NAV2: variants seen among roughly 807,000 people sequenced by gnomAD.
NAV2 encodes the protein neuron navigator 2.
A neutral mutation model predicts 223.2 loss-of-function variants in NAV2; 54 were observed. The ratio of observed to expected loss-of-function variants is 0.24; its 90% CI spans 0.19 to 0.30. The LOEUF is 0.30. Ranked by LOEUF, NAV2 falls within the 10% of genes least tolerant of loss-of-function variation. The pLI, the probability that NAV2 is intolerant of heterozygous loss-of-function variation, is 1.00. For missense variants in NAV2, 2,806 were observed against 3,147.5 expected (o/e 0.89, Z 2.60); for synonymous variants, 1,279 against 1,239.3 (o/e 1.03, Z -0.67).
At chr11:20,085,670 A>G (rs893161030) in intron 26 of NAV2, among the ~76,000 whole-genome samples, 2 of 152,244 alleles carry the variant, frequency 1.3e-5, no homozygotes, top group Admixed American at 1.3e-4. Context: ...AACCCAGTGC[A>G]GATAGTCCTA....
At chr11:19,499,978 A>G (rs2042912591) in intron 1 of NAV2, among the ~76,000 whole-genome samples, 1 of 151,644 alleles carries the variant, frequency 6.6e-6, no homozygotes, top group Non-Finnish European at 1.5e-5. Context: ...ATATATATAT[A>G]CACACACACA....
At chr11:19,506,412 C>A (rs2043126021) in intron 1 of NAV2, 1 of 152,246 alleles carries the variant, frequency 6.6e-6, no homozygotes, top group Non-Finnish European at 1.5e-5. Context: ...GCATCAAGAG[C>A]CTTTGAGAAG....
chr11:20,010,233 T>G (rs1034948876), intron 11 of NAV2, among the ~76,000 whole-genome samples: 1 of 152,130 alleles, frequency 6.6e-6, no homozygotes, highest in Non-Finnish European at 1.5e-5. Flanking sequence ...TGAAGATGTC[T>G]TTTTTCTTGA....
intron 11 of NAV2, among the ~76,000 whole-genome samples, chr11:19,985,944 G>GT (rs2050759927): frequency 1.0e-5 from 1 of 97,118 alleles, no homozygotes; most frequent in Admixed American, 1.2e-4. Context: ...AATAATAACA[G>GT]TAAAAAAAAA....
intron 1 of NAV2, among the ~76,000 whole-genome samples, chr11:19,397,141 G>T (rs1279474198): frequency 6.6e-6 from 1 of 152,156 alleles, no homozygotes; most frequent in Non-Finnish European, 1.5e-5. Context: ...GGGCTATGGG[G>T]ACTATTCTTA....
chr11:19,750,155 T>G (rs1354945249), intron 1 of NAV2, among the ~76,000 whole-genome samples: 2 of 152,236 alleles, frequency 1.3e-5, no homozygotes, highest in Non-Finnish European at 2.9e-5. Flanking sequence ...TTAGAGGACA[T>G]TGATCATTTT....
intron 22 of NAV2, among the ~76,000 whole-genome samples, chr11:20,070,899 T>C (rs1451729512): frequency 1.3e-5 from 2 of 152,218 alleles, no homozygotes. Flanking sequence ...ATGTGTTTTC[T>C]TTTTAAGCTT....
chr11:20,075,893 C>T (rs1027243229), intron 22 of NAV2, among the ~76,000 whole-genome samples: 7 of 151,908 alleles, frequency 4.6e-5, no homozygotes, highest in Non-Finnish European at 1.5e-5. Flanking sequence ...CCCATATATC[C>T]TCTGCCCTTC....
At chr11:20,114,902 CTTTGG>C in intron 37 of NAV2, 107 bp downstream of exon 37, 12 of 1,140,558 alleles carry the variant, frequency 1.1e-5, no homozygotes, top group South Asian at 1.5e-5. Flanking sequence ...TCCAGCCTTG[CTTTGG>C]AAGGCTGGAC....
chr11:19,487,360 A>C (rs766748860), intron 1 of NAV2, among the ~76,000 whole-genome samples: 4 of 152,232 alleles, frequency 2.6e-5, no homozygotes, highest in Non-Finnish European at 5.9e-5. Context: ...AATAAGCAAC[A>C]TTTGACACGT....
At chr11:19,418,721 A>T (rs1009748219) in intron 1 of NAV2, among the ~76,000 whole-genome samples, 2 of 152,236 alleles carry the variant, frequency 1.3e-5, no homozygotes, top group South Asian at 4.1e-4. Flanking sequence ...CAGATGATCA[A>T]AATGGCTTGG....
intron 1 of NAV2, among the ~76,000 whole-genome samples, chr11:19,736,582 T>TA (rs1470689375): frequency 6.6e-6 from 1 of 152,214 alleles, no homozygotes; most frequent in African/African-American, 2.4e-5. Context: ...TGGAGGCCTT[T>TA]AAAAAACTGC....
chr11:19,793,843 T>C (rs2057718713), intron 1 of NAV2, among the ~76,000 whole-genome samples: 2 of 152,226 alleles, frequency 1.3e-5, no homozygotes, highest in Admixed American at 1.3e-4. Context: ...CCTCAGGGCC[T>C]TTGCCTTGGC....
intron 1 of NAV2, among the ~76,000 whole-genome samples, chr11:19,677,368 G>A (rs1182113484): frequency 1.3e-5 from 2 of 152,252 alleles, no homozygotes; most frequent in African/African-American, 4.8e-5. Context: ...AAGGCAGTGA[G>A]GTGGGCAAAG....
chr11:19,719,096 A>G (rs911451634), intron 1 of NAV2, among the ~76,000 whole-genome samples: 1 of 152,166 alleles, frequency 6.6e-6, no homozygotes, highest in Non-Finnish European at 1.5e-5. Flanking sequence ...AGGTGTTTTC[A>G]TGAGGCCCCA....
chr11:19,529,062 G>A (rs2043942038), intron 1 of NAV2, among the ~76,000 whole-genome samples: 1 of 150,696 alleles, frequency 6.6e-6, no homozygotes, highest in Admixed American at 6.6e-5. Flanking sequence ...GCACGTGCGT[G>A]CACACACACA....
chr11:19,995,020 A>G (rs1282406710), intron 11 of NAV2, among the ~76,000 whole-genome samples: 1 of 152,174 alleles, frequency 6.6e-6, no homozygotes, highest in Non-Finnish European at 1.5e-5. Flanking sequence ...CACATTATTT[A>G]TTTGGTGATG....
intron 1 of NAV2, among the ~76,000 whole-genome samples, chr11:19,790,903 T>G (rs1048290606): frequency 1.3e-5 from 2 of 151,950 alleles, no homozygotes; most frequent in East Asian, 1.9e-4. Context: ...ATTGCTTGTT[T>G]TTTTTTTTTT....
At chr11:19,381,516 A>T (rs1372123477) in intron 1 of NAV2, among the ~76,000 whole-genome samples, 1 of 152,194 alleles carries the variant, frequency 6.6e-6, no homozygotes, top group African/African-American at 2.4e-5. Flanking sequence ...AAACATACGG[A>T]GACCCTGACT....
Sources: allele counts gnomAD v4.1 joint callset (sites outside exome capture counted in the v4.1 genomes callset), GRCh38; gene constraint gnomAD v4.1.1; transcripts MANE v1.5; gene names NCBI Gene and HGNC (gene_info 2026-07-23, HGNC 2026-07-21).